FNDC3B: variants seen among roughly 807,000 people sequenced by gnomAD.
The protein encoded by FNDC3B is fibronectin type III domain-containing protein 3B.
In FNDC3B, 12 loss-of-function variants were observed where a neutral mutation model predicts 151.5. The observed-to-expected ratio is 0.08, with a 90% CI of 0.05 to 0.13. The LOEUF (loss-of-function observed/expected upper bound fraction) is 0.13. FNDC3B is among the 10% of genes least tolerant of loss of function. The pLI, the probability that FNDC3B is intolerant of heterozygous loss-of-function variation, is 1.00. For missense variants in FNDC3B, 1,214 were observed against 1,505.3 expected (o/e 0.81, Z 3.20); for synonymous variants, 528 against 549.0 (o/e 0.96, Z 0.54).
chr3:172,377,299 G>A (rs1162612340), intron 23 of FNDC3B, among the ~76,000 whole-genome samples: 1 of 152,196 alleles, frequency 6.6e-6, no homozygotes, highest in Non-Finnish European at 1.5e-5. Context: ...AACTTATGTA[G>A]TGGTTCTCAG....
chr3:172,172,084 A>T (rs1723311009), intron 3 of FNDC3B, among the ~76,000 whole-genome samples: 1 of 152,208 alleles, frequency 6.6e-6, no homozygotes, highest in African/African-American at 2.4e-5. Context: ...ACCTGCAAAC[A>T]TATGCTCTGC....
intron 16 of FNDC3B, among the ~76,000 whole-genome samples, chr3:172,339,907 T>C (rs1419825159): frequency 6.6e-6 from 1 of 152,252 alleles, no homozygotes; most frequent in Non-Finnish European, 1.5e-5. Context: ...CCTTAGTGCA[T>C]GCGACTCTGT....
intron 3 of FNDC3B, among the ~76,000 whole-genome samples, chr3:172,167,683 G>A (rs1386017225): frequency 6.6e-6 from 1 of 152,160 alleles, no homozygotes; most frequent in African/African-American, 2.4e-5. Context: ...TAGGAACCAG[G>A]CCACACAGCA....
intron 6 of FNDC3B, among the ~76,000 whole-genome samples, chr3:172,283,003 G>A (rs1456297154): frequency 6.6e-6 from 1 of 152,236 alleles, no homozygotes; most frequent in Non-Finnish European, 1.5e-5. Context: ...ACTGTGAAAT[G>A]GAGCAGAGAA....
chr3:172,060,917 TC>T (rs1717163613), intron 1 of FNDC3B, among the ~76,000 whole-genome samples: 1 of 152,232 alleles, frequency 6.6e-6, no homozygotes, highest in South Asian at 2.1e-4. Flanking sequence ...CTGAGATACT[TC>T]AAATTATGTG....
intron 3 of FNDC3B, among the ~76,000 whole-genome samples, chr3:172,158,327 G>A (rs935689598): frequency 2.0e-5 from 3 of 152,212 alleles, no homozygotes; most frequent in African/African-American, 7.2e-5. Flanking sequence ...AAGTGATCCC[G>A]ATTCTCTTCA....
chr3:172,208,354 C>T (rs1183327802), intron 3 of FNDC3B, among the ~76,000 whole-genome samples: 1 of 152,104 alleles, frequency 6.6e-6, no homozygotes, highest in Non-Finnish European at 1.5e-5. Flanking sequence ...ATGGCTTTTT[C>T]AAAACATGAA....
In FNDC3B at chr3:172,397,282, C is replaced by A; in HGVS notation, c.3422C>A (p.Ala1141Asp). The stretch of plus-strand genomic sequence containing the variant: ...GACACCTCTCAGGAGCTAAGCGGAG[C>A]CTTCAGCCCCTCTGCGGCTTTTGTA... ...CLDTSQELSG[A>D]FSPSAAFVLQ... The change falls in exon 26 of 26, where the codon GCC becomes GAC. Residue 1141 changes from alanine to aspartate, a missense_variant. Ala to Asp is a moderately radical substitution (Grantham distance 126). Transcript: ENST00000415807. The A allele has an allele frequency of 1.2e-6, 2 of 1,614,194 alleles. No homozygotes were observed. The highest frequency in any genetic ancestry group is 1.7e-6 in the Non-Finnish European group (2 of 1,180,014).
At chr3:172,066,633 G>A (rs117157253) in intron 1 of FNDC3B, among the ~76,000 whole-genome samples, 6 of 152,186 alleles carry the variant, frequency 3.9e-5, no homozygotes, top group East Asian at 1.9e-4. Flanking sequence ...CTGGATCTAC[G>A]TGCTGCTGTT....
chr3:172,289,835 C>G lies in FNDC3B; in HGVS notation c.849+3851C>G, dbSNP rs147980719. On this transcript the variant is annotated intron_variant, in intron 7 of 25. Coordinates refer to ENST00000415807, the MANE Select transcript of FNDC3B (RefSeq NM_022763.4). ...ATCTGGCACTCTGGGTTGGGACTTG[C>G]ATTGGCTGTTACCTGTCTTTGTGAC... 4.4e-3 allele frequency among the ~76,000 whole-genome samples: 668 copies of G among 152,342 alleles called. 5 individuals are homozygous for G. Among genetic ancestry groups the G allele is most frequent in the Admixed American group, 7.1e-3 (108 of 15,296 alleles).
At chr3:172,103,812 A>T (rs1310985872) in intron 1 of FNDC3B, among the ~76,000 whole-genome samples, 2 of 152,212 alleles carry the variant, frequency 1.3e-5, no homozygotes, top group African/African-American at 2.4e-5. Context: ...ATTTTACTTC[A>T]CTAATGAACA....
chr3:172,263,219 A>AT (rs1258388979), intron 6 of FNDC3B, among the ~76,000 whole-genome samples: 3 of 151,680 alleles, frequency 2.0e-5, no homozygotes, highest in Non-Finnish European at 4.4e-5. Context: ...ACAGTTAAAA[A>AT]TTTTTTTTCA....
Position 172,329,035 on chromosome 3 carries a change from G to T in FNDC3B, c.1338G>T (p.Gly446=), listed in dbSNP as rs746608081. 1.9e-6 allele frequency: 3 copies of T among 1,613,726 alleles called. No homozygotes were observed. The highest frequency in any genetic ancestry group is 2.5e-6 in the Non-Finnish European group (3 of 1,179,836). ...TGACAAAGCTTTGTCCGGCAATGGGGTACACATTCAGGCTGGCCGCTCGAA... is the reference window on the plus strand; with the variant it reads ...TGACAAAGCTTTGTCCGGCAATGGGTTACACATTCAGGCTGGCCGCTCGAA... ...CKLTKLCPAM[G]YTFRLAARND... is the part of the protein sequence containing the mutation. The change falls in exon 12 of 26, where the codon GGG becomes GGT. Residue 446 remains glycine (G), a synonymous_variant. Coordinates refer to ENST00000415807, the MANE Select transcript of FNDC3B (RefSeq NM_022763.4).
chr3:172,083,301 A>G (rs1033239841), intron 1 of FNDC3B, among the ~76,000 whole-genome samples: 1 of 152,226 alleles, frequency 6.6e-6, no homozygotes, highest in African/African-American at 2.4e-5. Context: ...CCTTGCCTCC[A>G]TGTCCCACAG....
chr3:172,392,203 G>C (rs1017207477), intron 25 of FNDC3B, among the ~76,000 whole-genome samples: 1 of 152,150 alleles, frequency 6.6e-6, no homozygotes, highest in Non-Finnish European at 1.5e-5. Context: ...GGACCGTAAG[G>C]GGTTTGCTTA....
In FNDC3B at chr3:172,251,490, A is replaced by G; in HGVS notation, c.739A>G (p.Thr247Ala). 2 of 1,614,088 alleles carry G rather than the reference A, an allele frequency of 1.2e-6. No individual in the cohort carries two copies. The highest frequency in any genetic ancestry group is 1.1e-5 in the South Asian group (1 of 91,076). ...GSGSGPGIKKTERRARSSPKS... is the reference protein window; with the variant it reads ...GSGSGPGIKKAERRARSSPKS... ...CGGTAGTGGTCCCGGAATTAAGAAA[A>G]CAGAGCGACGAGCAAGAAGCAGCCC... is the stretch of plus-strand genomic sequence containing the variant. The change falls in exon 6 of 26, where the codon ACA becomes GCA. Residue 247 changes from threonine to alanine, a missense_variant. Physicochemically the swap from Thr to Ala is moderately conservative, Grantham distance 58. Around this residue, in one of 7 missense-constraint regions of FNDC3B, gnomAD observed 166 missense variants for 173.2 expected, o/e 0.96. Transcript: ENST00000415807.
Position 172,112,684 on chromosome 3 carries a change from T to C in FNDC3B, c.111+94T>C, listed in dbSNP as rs554838375. On this transcript the variant is annotated intron_variant, in intron 2 of 25. Transcript: ENST00000415807. ...TATTTTGGGATTCAAAGGTTTGTGATTTCAAACCTTAGCATTTCTAGAGGT... is the reference window on the plus strand; with the variant it reads ...TATTTTGGGATTCAAAGGTTTGTGACTTCAAACCTTAGCATTTCTAGAGGT... The C allele has an allele frequency of 3.5e-5, 30 of 862,428 alleles. No homozygotes were observed. The Admixed American group carries it at 5.2e-4, about 15-fold the overall frequency. The allele number at this position is 862,428 out of a possible 1,614,324, so 53.4% of individuals were successfully genotyped here. A position where few individuals can be genotyped will look rare whatever the true frequency, so the allele number is the denominator to read the frequency against.
intron 17 of FNDC3B, 70 bp from the exon 18 acceptor site, chr3:172,342,941 G>A (rs760407780): frequency 9.9e-6 from 9 of 907,160 alleles, no homozygotes; most frequent in Non-Finnish European, 1.7e-5. Context: ...GGTGGAATTT[G>A]CCTGATATGT....
intron 3 of FNDC3B, among the ~76,000 whole-genome samples, chr3:172,221,176 A>AG (rs1307377809): frequency 1.6e-5 from 1 of 61,616 alleles, no homozygotes; most frequent in Non-Finnish European, 3.8e-5. Context: ...TAGCTCTAGT[A>AG]ATTTTTTTTG....
Sources: allele counts gnomAD v4.1 joint callset (sites outside exome capture counted in the v4.1 genomes callset), GRCh38; gene constraint gnomAD v4.1.1; regional missense constraint gnomAD v4.1.1; transcripts MANE v1.5; gene names NCBI Gene and HGNC (gene_info 2026-07-23, HGNC 2026-07-21).